TRMT1L: variants seen among roughly 807,000 people sequenced by gnomAD.
The protein encoded by TRMT1L is tRNA methyltransferase 1L.
A neutral mutation model predicts 81.6 loss-of-function variants in TRMT1L; 28 were observed. That is an observed-to-expected ratio of 0.34 (90% confidence interval 0.25 to 0.47). The LOEUF (loss-of-function observed/expected upper bound fraction) is 0.47. Ranked by LOEUF, TRMT1L falls within the 20% of genes least tolerant of loss-of-function variation. TRMT1L has a pLI of 1.00. For missense variants in TRMT1L, 739 were observed against 877.1 expected, an observed-to-expected ratio of 0.84 and a Z score of 1.99; for synonymous variants, 301 against 303.2, an observed-to-expected ratio of 0.99 and a Z score of 0.07.
At chr1:185,154,432 A>G (rs911537844) in intron 1 of TRMT1L, among the ~76,000 whole-genome samples, 8 of 152,236 alleles carry the variant, frequency 5.3e-5, no homozygotes, top group African/African-American at 1.9e-4. Flanking sequence ...TTATAATGAG[A>G]TATAATTTCT....
In TRMT1L at chr1:185,140,103, C is replaced by T. The variant is rs756585761; in HGVS notation, c.979G>A (p.Val327Met). ...TCCTTTTCCTTACTGTCCACCACCA[C>T]TTTCAATTTGTTTAAATGGCAGTTT... ...QENCHLNKLK[V>M]VVDSKEKEKS... Residue 327 changes from valine to methionine, a missense_variant, in exon 8 of 15, where the codon GTG becomes ATG. Val to Met is a conservative substitution (Grantham distance 21, BLOSUM62 1). Around this residue, in one of 4 missense-constraint regions of TRMT1L, gnomAD observed 331 missense variants for 462.2 expected, o/e 0.72. Transcript: ENST00000367506. 1.9e-6 allele frequency: 3 copies of T among 1,613,844 alleles called. No individual in the cohort carries two copies. The East Asian group carries it at 6.7e-5, about 36-fold the overall frequency.
chr1:185,126,138 C>T (rs1009804714), intron 11 of TRMT1L, among the ~76,000 whole-genome samples: 1 of 152,088 alleles, frequency 6.6e-6, no homozygotes, highest in Non-Finnish European at 1.5e-5. Flanking sequence ...ACTATGCTGC[C>T]CAGGCTGAAC....
At chr1:185,124,683 G>C (rs1344008333) in intron 12 of TRMT1L, among the ~76,000 whole-genome samples, 1 of 150,982 alleles carries the variant, frequency 6.6e-6, no homozygotes, top group East Asian at 1.9e-4. Context: ...GTGAAAAAGT[G>C]AGACCCAGTA....
chr1:185,137,683 G>A lies in TRMT1L; in HGVS notation c.1436C>T (p.Ala479Val). ...ATGGATCAGGTATTGAATCTTCTTG[G>A]CTGTTTCATCTGCTGAAGTAGGTCC... The part of the protein sequence containing the change: ...LRGPTSADET[A>V]KKIQYLIHCQ... Residue 479 changes from alanine (A) to valine (V), a missense_variant, in exon 10 of 15, where the codon GCC (alanine) becomes GTC (valine). Around this residue, in one of 4 missense-constraint regions of TRMT1L, gnomAD observed 331 missense variants for 462.2 expected, o/e 0.72. Transcript: ENST00000367506. The A allele has an allele frequency of 6.2e-7, 1 of 1,613,950 alleles. No homozygotes were observed. Among genetic ancestry groups the A allele is most frequent in the Non-Finnish European group, 8.5e-7 (1 of 1,179,992 alleles).
intron 3 of TRMT1L, among the ~76,000 whole-genome samples, chr1:185,149,986 C>G (rs1653297921): frequency 6.6e-6 from 1 of 152,046 alleles, no homozygotes; most frequent in African/African-American, 2.4e-5. Flanking sequence ...AAGCCATCAG[C>G]AGAAAGAGAT....
At chr1:185,148,812 T>C (rs1011470217) in intron 3 of TRMT1L, among the ~76,000 whole-genome samples, 16 of 152,172 alleles carry the variant, frequency 1.1e-4, no homozygotes, top group Admixed American at 9.8e-4. Context: ...AATTAGCATC[T>C]AATTCCCCTT....
intron 10 of TRMT1L, among the ~76,000 whole-genome samples, chr1:185,137,259 A>T (rs554760669): frequency 1.3e-5 from 2 of 152,372 alleles, no homozygotes; most frequent in East Asian, 3.9e-4. Context: ...ATACACAGCC[A>T]GAAACATGAA....
At chr1:185,123,818 C>T in intron 13 of TRMT1L, 39 bp downstream of exon 13, 7 of 1,285,062 alleles carry the variant, frequency 5.4e-6, no homozygotes, top group Non-Finnish European at 7.3e-6. Flanking sequence ...CCTTTTTGAC[C>T]TGATATGTAC....
chr1:185,152,922 C>T (rs1571359835), intron 1 of TRMT1L, among the ~76,000 whole-genome samples: 1 of 151,964 alleles, frequency 6.6e-6, no homozygotes, highest in Non-Finnish European at 1.5e-5. Flanking sequence ...TTTTGGAGCT[C>T]AGGAGGGATT....
rs905304947 is a variant in TRMT1L, at chr1:185,140,358, A to C, written c.860-136T>G. 24 of 760,026 alleles carry C rather than the reference A, an allele frequency of 3.2e-5. No individual in the cohort carries two copies. In the South Asian group the frequency reaches 5.2e-4, roughly 17 times the overall value. The allele number at this position is 760,026 out of a possible 1,614,324, so 47.1% of individuals were successfully genotyped here. On this transcript the variant is annotated intron_variant, in intron 7 of 14. Transcript: ENST00000367506. Reference sequence around the variant, plus strand: ...GTTTTCATGAATCTTATTCCTTCTTACTACAAAGCTTCTCAAGAAAGGTTA... The same window carrying C: ...GTTTTCATGAATCTTATTCCTTCTTCCTACAAAGCTTCTCAAGAAAGGTTA...
At chr1:185,125,244 T>C in intron 11 of TRMT1L, 134 bp from the exon 12 acceptor site, 1 of 544,194 alleles carries the variant, frequency 1.8e-6, no homozygotes, top group Non-Finnish European at 2.9e-6. Flanking sequence ...TCAAAAAGAA[T>C]TTATGATTTA....
In TRMT1L at chr1:185,156,652, G is replaced by T; in HGVS notation, c.61C>A (p.Gln21Lys). 1 of 1,610,572 alleles carries T rather than the reference G, an allele frequency of 6.2e-7. No homozygotes were observed. ...PLEKEEVEVAQVQVPTPARDS... is the reference protein window; with the variant it reads ...PLEKEEVEVAKVQVPTPARDS... ...CGGGCCGGGGTCGGGACCTGGACCT[G>T]GGCCACCTCCACCTCCTCCTTCTCC... The change falls in exon 1 of 15, where the codon CAG becomes AAG. Residue 21 changes from glutamine (Q) to lysine (K), a missense_variant. Gln to Lys is a moderately conservative substitution (Grantham distance 53). Transcript: ENST00000367506.
intron 11 of TRMT1L, among the ~76,000 whole-genome samples, chr1:185,125,501 T>A (rs988522089): frequency 6.6e-6 from 1 of 152,148 alleles, no homozygotes; most frequent in South Asian, 2.1e-4. Flanking sequence ...CACTCATTTT[T>A]ATCATATCAG....
intron 3 of TRMT1L, among the ~76,000 whole-genome samples, chr1:185,148,810 T>A (rs1182933063): frequency 1.3e-5 from 2 of 152,168 alleles, no homozygotes; most frequent in Non-Finnish European, 2.9e-5. Context: ...TAAATTAGCA[T>A]CTAATTCCCC....
At position 185,139,498 on chromosome 1, in the gene TRMT1L, C is replaced by T; in HGVS notation, c.1191G>A (p.Val397=). Residue 397 remains valine (V), a synonymous_variant, in exon 9 of 15, where the codon GTG becomes GTA. Coordinates refer to ENST00000367506, the MANE Select transcript of TRMT1L (RefSeq NM_030934.5). ...RNIRNLGIVS[V]TSTDISSLYA... is the part of the protein sequence containing the mutation. ...ATAAAGAACTGATATCTGTAGAAGTCACTGACACTATGCCAAGGTTTCTTA... is the reference window on the plus strand; with the variant it reads ...ATAAAGAACTGATATCTGTAGAAGTTACTGACACTATGCCAAGGTTTCTTA... 1 of 1,614,066 alleles carries T rather than the reference C, an allele frequency of 6.2e-7. No individual in the cohort carries two copies.
Position 185,132,816 on chromosome 1 carries a change from A to G in TRMT1L, c.1514-4069T>C, listed in dbSNP as rs180912108. 9.2e-5 allele frequency among the ~76,000 whole-genome samples: 14 copies of G among 152,340 alleles called. No individual in the cohort carries two copies. The East Asian group carries it at 2.7e-3, about 29-fold the overall frequency. On this transcript the variant is annotated intron_variant, in intron 10 of 14. Coordinates refer to ENST00000367506, the MANE Select transcript of TRMT1L (RefSeq NM_030934.5). ...AGAATTTGGTACTTAGCCATGCAAT[A>G]CTTCTCTGCAATCTATAGGAAAAAG...
intron 10 of TRMT1L, among the ~76,000 whole-genome samples, chr1:185,131,129 A>C (rs1652759715): frequency 6.6e-6 from 1 of 151,848 alleles, no homozygotes; most frequent in Non-Finnish European, 1.5e-5. Context: ...CCTCCCGAGT[A>C]GCTGGGACTA....
At position 185,128,664 on chromosome 1, in the gene TRMT1L, C is replaced by T; in HGVS notation, c.1592+5G>A. ...TTTAATATGTTCTTATGGCTGGTCA[C>T]ATACCACAGAGGTCCAAGTTCTATT... On this transcript the variant is annotated splice_donor_5th_base_variant and intron_variant, in intron 11 of 14. Coordinates refer to ENST00000367506, the MANE Select transcript of TRMT1L (RefSeq NM_030934.5). 1.9e-6 allele frequency: 3 copies of T among 1,612,456 alleles called. No homozygotes were observed. The highest frequency in any genetic ancestry group is 2.5e-6 in the Non-Finnish European group (3 of 1,179,116).
At chr1:185,147,156 A>C in intron 4 of TRMT1L, 26 bp downstream of exon 4, 1 of 1,546,922 alleles carries the variant, frequency 6.5e-7, no homozygotes. Flanking sequence ...TAAATTTAAA[A>C]ATAAAAAAAT....
Sources: gnomAD v4.1 joint callset for allele counts (sites outside exome capture counted in the v4.1 genomes callset) on GRCh38, gnomAD v4.1.1 for gene constraint, gnomAD v4.1.1 regional missense constraint, MANE v1.5 for transcripts, NCBI Gene and HGNC (gene_info 2026-07-23, HGNC 2026-07-21) for gene names.